AMBRA1: variants seen among roughly 807,000 people sequenced by gnomAD.
AMBRA1 encodes the protein autophagy and beclin 1 regulator 1, also known as activating molecule in BECN1-regulated autophagy protein 1.
Under a neutral mutation model 125.4 loss-of-function variants are expected in AMBRA1, and 47 were observed. The observed-to-expected ratio is 0.37, with a 90% CI of 0.30 to 0.48. The LOEUF (loss-of-function observed/expected upper bound fraction) is 0.48. Among genes scored for constraint, AMBRA1 ranks in the 20% least tolerant of loss-of-function variants. The probability of loss-of-function intolerance (pLI) is 0.99; values close to 1 mark genes in which losing one functional copy is unlikely to be tolerated. For synonymous variants in AMBRA1, 626 were observed against 655.5 expected, an observed-to-expected ratio of 0.95 and a Z score of 0.69; for missense variants, 1,331 against 1,693.4, an observed-to-expected ratio of 0.79 and a Z score of 3.76.
intron 1 of AMBRA1, among the ~76,000 whole-genome samples, chr11:46,567,617 T>C (rs1320746963): frequency 6.6e-6 from 1 of 152,070 alleles, no homozygotes; most frequent in African/African-American, 2.4e-5. Flanking sequence ...CGCCTCAGCC[T>C]CCCAAAGTGC....
chr11:46,593,380 G>A (rs1470688988), intron 1 of AMBRA1, among the ~76,000 whole-genome samples: 1 of 152,122 alleles, frequency 6.6e-6, no homozygotes, highest in African/African-American at 2.4e-5. Flanking sequence ...ACTTCGCTCA[G>A]AAGAGCCAGA....
At chr11:46,451,078 T>C (rs1476350751) in intron 11 of AMBRA1, among the ~76,000 whole-genome samples, 1 of 152,166 alleles carries the variant, frequency 6.6e-6, no homozygotes, top group Non-Finnish European at 1.5e-5. Context: ...CAGCAGCTGT[T>C]CATAAGGACA....
intron 14 of AMBRA1, among the ~76,000 whole-genome samples, chr11:46,422,120 C>T (rs191714193): frequency 8.7e-4 from 132 of 152,214 alleles, no homozygotes; most frequent in Non-Finnish European, 1.7e-3. Context: ...TCTATTACAC[C>T]GGACGTATTA....
intron 10 of AMBRA1, 161 bp from the exon 11 acceptor site, chr11:46,493,869 T>A: frequency 1.5e-6 from 1 of 651,886 alleles, no homozygotes; most frequent in Non-Finnish European, 2.6e-6. Flanking sequence ...GATTTGTATC[T>A]ATCTTTTTCT....
intron 1 of AMBRA1, among the ~76,000 whole-genome samples, chr11:46,551,723 C>T (rs959124089): frequency 5.6e-4 from 85 of 151,586 alleles, no homozygotes; most frequent in African/African-American, 2.0e-3. Flanking sequence ...ACAAAATTTA[C>T]TCTACTAAAA....
intron 11 of AMBRA1, among the ~76,000 whole-genome samples, chr11:46,446,660 G>A (rs969691459): frequency 6.6e-6 from 1 of 152,174 alleles, no homozygotes; most frequent in African/African-American, 2.4e-5. Flanking sequence ...GATGCCAGTA[G>A]CACCCCACTC....
intron 4 of AMBRA1, 39 bp downstream of exon 4, chr11:46,547,074 G>C: frequency 6.5e-7 from 1 of 1,542,424 alleles, no homozygotes; most frequent in Non-Finnish European, 8.7e-7. Context: ...AAAAAAATTA[G>C]AACACCAAAA....
At chr11:46,443,393 G>C (rs1052450837) in intron 12 of AMBRA1, 95 bp downstream of exon 12, 18 of 931,370 alleles carry the variant, frequency 1.9e-5, no homozygotes, top group Non-Finnish European at 3.1e-5. Context: ...TGCTCAATAG[G>C]ATGATGAAAA....
chr11:46,556,405 C>T (rs1389214394), intron 1 of AMBRA1, among the ~76,000 whole-genome samples: 1 of 152,088 alleles, frequency 6.6e-6, no homozygotes, highest in East Asian at 1.9e-4. Context: ...CAACACATTC[C>T]CGAAGGCAAA....
At chr11:46,581,626 C>A (rs1405929914) in intron 1 of AMBRA1, among the ~76,000 whole-genome samples, 1 of 151,346 alleles carries the variant, frequency 6.6e-6, no homozygotes, top group Non-Finnish European at 1.5e-5. Flanking sequence ...TAAATAAATA[C>A]ATAAATAAAT....
chr11:46,571,813 C>T (rs2043770146), intron 1 of AMBRA1, among the ~76,000 whole-genome samples: 1 of 150,362 alleles, frequency 6.7e-6, no homozygotes, highest in Non-Finnish European at 1.5e-5. Flanking sequence ...CCTCAGCCTC[C>T]TGAGTAGCTG....
chr11:46,524,967 G>A (rs1053878435), intron 7 of AMBRA1, among the ~76,000 whole-genome samples: 4 of 152,162 alleles, frequency 2.6e-5, no homozygotes, highest in Non-Finnish European at 4.4e-5. Context: ...AACAAATACT[G>A]AGTGCCTTCT....
chr11:46,453,932 A>G (rs760360123), intron 11 of AMBRA1, among the ~76,000 whole-genome samples: 2 of 152,244 alleles, frequency 1.3e-5, no homozygotes, highest in Non-Finnish European at 2.9e-5. Context: ...TTCAATGGTT[A>G]CGTGTCTTAT....
At chr11:46,481,614 C>T (rs1950073996) in intron 11 of AMBRA1, among the ~76,000 whole-genome samples, 1 of 152,154 alleles carries the variant, frequency 6.6e-6, no homozygotes, top group African/African-American at 2.4e-5. Context: ...CGGCCTGCCT[C>T]GGCCTCCCAA....
At chr11:46,429,486 T>G (rs1947346457) in intron 14 of AMBRA1, among the ~76,000 whole-genome samples, 1 of 152,228 alleles carries the variant, frequency 6.6e-6, no homozygotes, top group South Asian at 2.1e-4. Context: ...GCACTAATCC[T>G]TATTCTTGCT....
chr11:46,537,257 CAG>C (rs1952518812), intron 7 of AMBRA1, among the ~76,000 whole-genome samples: 1 of 152,190 alleles, frequency 6.6e-6, no homozygotes, highest in Non-Finnish European at 1.5e-5. Context: ...ACATGAGCAA[CAG>C]AGGTTTTGAC....
intron 8 of AMBRA1, among the ~76,000 whole-genome samples, chr11:46,509,703 T>C (rs1951187607): frequency 1.3e-5 from 2 of 152,286 alleles, no homozygotes; most frequent in Non-Finnish European, 2.9e-5. Context: ...ATGGTCTGTA[T>C]ACACTAATAC....
At chr11:46,573,669 T>TC (rs1034269100) in intron 1 of AMBRA1, among the ~76,000 whole-genome samples, 1 of 151,108 alleles carries the variant, frequency 6.6e-6, no homozygotes, top group Admixed American at 6.6e-5. Flanking sequence ...TTTTCTTTTT[T>TC]TTTTTTTTTA....
At chr11:46,514,371 T>C (rs115413079) in intron 7 of AMBRA1, among the ~76,000 whole-genome samples, 1,982 of 152,252 alleles carry the variant, frequency 0.013, 35 homozygotes, top group African/African-American at 0.046. Context: ...CAAGTAATGT[T>C]TTCTCTCTAG....
Sources: allele counts gnomAD v4.1 joint callset (sites outside exome capture counted in the v4.1 genomes callset), GRCh38; gene constraint gnomAD v4.1.1; transcripts MANE v1.5; gene names NCBI Gene and HGNC (gene_info 2026-07-23, HGNC 2026-07-21).